Variants in SLC12A6 observed in about 807,000 individuals in gnomAD.
SLC12A6 encodes solute carrier family 12 member 6.
In SLC12A6, 66 loss-of-function variants were observed where a neutral mutation model predicts 135.3. That is an observed-to-expected ratio of 0.49 (90% confidence interval 0.40 to 0.60). SLC12A6 has a LOEUF of 0.60. Ranked by LOEUF, SLC12A6 falls within the 20% of genes least tolerant of loss-of-function variation. SLC12A6 has a pLI of 0.00. For synonymous variants in SLC12A6, 513 were observed against 508.8 expected (o/e 1.01, Z -0.11); for missense variants, 1,058 against 1,452.3 (o/e 0.73, Z 4.41).
At chr15:34,316,818 T>TA (rs1888683922) in intron 2 of SLC12A6, among the ~76,000 whole-genome samples, 1 of 151,948 alleles carries the variant, frequency 6.6e-6, no homozygotes, top group South Asian at 2.1e-4. Flanking sequence ...GATGAAATAA[T>TA]AAAAAACAGT....
chr15:34,311,955 T>G (rs111930440), intron 2 of SLC12A6, among the ~76,000 whole-genome samples: 1 of 152,252 alleles, frequency 6.6e-6, no homozygotes, highest in African/African-American at 2.4e-5. Context: ...TTCTATCATC[T>G]GTTATCCAAA....
chr15:34,255,417 T>A (rs373662082), intron 7 of SLC12A6, 25 bp from the exon 8 acceptor site: 12 of 1,566,000 alleles, frequency 7.7e-6, no homozygotes, highest in African/African-American at 6.8e-5. Flanking sequence ...AGAAGGTGAA[T>A]AGAAGAAAGA....
At chr15:34,241,006 A>G in intron 18 of SLC12A6, 177 bp from the exon 19 acceptor site, 1 of 666,760 alleles carries the variant, frequency 1.5e-6, no homozygotes, top group Non-Finnish European at 2.7e-6. Context: ...TCCCAGTACT[A>G]TCTCAAGTTG....
intron 2 of SLC12A6, among the ~76,000 whole-genome samples, chr15:34,312,721 TTTTG>T (rs1000815559): frequency 2.6e-4 from 39 of 152,194 alleles, no homozygotes; most frequent in African/African-American, 9.4e-4. Context: ...CTTTGGGGTT[TTTTG>T]TTTGTTTACA....
At chr15:34,306,683 T>G (rs141620508) in intron 2 of SLC12A6, among the ~76,000 whole-genome samples, 145 of 152,324 alleles carry the variant, frequency 9.5e-4, no homozygotes, top group African/African-American at 3.3e-3. Flanking sequence ...CAGTCCTGTT[T>G]ACAGACTAAT....
chr15:34,261,092 T>G (rs1223317857), intron 3 of SLC12A6, 72 bp from the exon 4 acceptor site: 1 of 819,512 alleles, frequency 1.2e-6, no homozygotes, highest in Non-Finnish European at 2.2e-6. Context: ...ACCAGATAAG[T>G]GCAGGTTGCT....
At chr15:34,305,060 T>C (rs6495652) in intron 2 of SLC12A6, among the ~76,000 whole-genome samples, 5,970 of 152,240 alleles carry the variant, frequency 0.039, 216 homozygotes, top group African/African-American at 0.098. Context: ...AATCTGTAAA[T>C]ACTCTTCTAC....
chr15:34,274,626 G>A (rs991853091), intron 3 of SLC12A6, among the ~76,000 whole-genome samples: 4 of 151,888 alleles, frequency 2.6e-5, no homozygotes, highest in South Asian at 2.1e-4. Context: ...CATCCTGGCC[G>A]ACATGGTGAA....
At chr15:34,269,320 G>T (rs995904142) in intron 3 of SLC12A6, among the ~76,000 whole-genome samples, 7 of 150,884 alleles carry the variant, frequency 4.6e-5, no homozygotes, top group South Asian at 2.1e-4. Flanking sequence ...TTTGTAAACA[G>T]AAAAAAGGTA....
intron 2 of SLC12A6, among the ~76,000 whole-genome samples, chr15:34,325,140 C>A (rs74010068): frequency 1.3e-5 from 2 of 152,126 alleles, no homozygotes; most frequent in Admixed American, 1.3e-4. Flanking sequence ...AAACATCTTA[C>A]AGGAGAATGA....
At chr15:34,267,951 T>C (rs1056646054) in intron 3 of SLC12A6, among the ~76,000 whole-genome samples, 1 of 152,180 alleles carries the variant, frequency 6.6e-6, no homozygotes, top group African/African-American at 2.4e-5. Flanking sequence ...AATTTCCATT[T>C]ATTTTCCTTC....
In SLC12A6 at chr15:34,284,211, T is replaced by C. The variant is rs1894876562; in HGVS notation, c.272-8822A>G. On this transcript the variant is annotated intron_variant, in intron 2 of 25. Transcript: ENST00000354181. ...GGAGGGAGGCAGGTTGATGATATCT[T>C]ACGGAAAGAGAGCTCACGGGCTAGT... Among the ~76,000 whole-genome samples, 2 of 151,718 alleles carry C rather than the reference T, an allele frequency of 1.3e-5. 1 individual carries two copies. Among genetic ancestry groups the C allele is most frequent in the Non-Finnish European group, 2.9e-5 (2 of 67,942 alleles).
chr15:34,260,419 C>T (rs1418641403), intron 4 of SLC12A6, among the ~76,000 whole-genome samples: 3 of 152,068 alleles, frequency 2.0e-5, no homozygotes, highest in African/African-American at 7.2e-5. Context: ...CCACCATGCC[C>T]GGCTAATTTT....
intron 2 of SLC12A6, among the ~76,000 whole-genome samples, chr15:34,316,194 C>T (rs1486859099): frequency 6.6e-6 from 1 of 151,722 alleles, no homozygotes; most frequent in Admixed American, 6.6e-5. Flanking sequence ...ATATTTTTCT[C>T]TCCATATAAA....
intron 2 of SLC12A6, among the ~76,000 whole-genome samples, chr15:34,322,195 C>G (rs560598850): frequency 2.2e-4 from 33 of 152,076 alleles, no homozygotes; most frequent in African/African-American, 7.7e-4. Flanking sequence ...CCAGCCTGAC[C>G]AACAGGGAGA....
At chr15:34,281,213 A>G (rs1165538727) in intron 2 of SLC12A6, among the ~76,000 whole-genome samples, 2 of 152,232 alleles carry the variant, frequency 1.3e-5, no homozygotes, top group Non-Finnish European at 2.9e-5. Flanking sequence ...TTTCTAATAC[A>G]AAGTAATGAT....
Position 34,229,836 on chromosome 15 carries a change from A to C in SLC12A6, c.*4045T>G. The C allele has an allele frequency of 6.3e-7, 1 of 1,598,264 alleles. No individual in the cohort carries two copies. The highest frequency in any genetic ancestry group is 8.6e-7 in the Non-Finnish European group (1 of 1,165,628). On this transcript the variant is annotated 3_prime_UTR_variant, in exon 26 of 26. Transcript: ENST00000354181. Reference sequence around the variant, plus strand: ...CCCTATGTATTTGGGTCTTATTTACATCCTTCTTTAAGCCCAGTGGCTCCT... The same window carrying C: ...CCCTATGTATTTGGGTCTTATTTACCTCCTTCTTTAAGCCCAGTGGCTCCT...
chr15:34,323,902 C>T (rs894528881), intron 2 of SLC12A6, among the ~76,000 whole-genome samples: 3 of 145,026 alleles, frequency 2.1e-5, no homozygotes, highest in Non-Finnish European at 4.5e-5. Flanking sequence ...AATTGTGCCA[C>T]TGCACGCCAG....
chr15:34,300,618 C>T (rs1896178861), intron 2 of SLC12A6, among the ~76,000 whole-genome samples: 1 of 151,802 alleles, frequency 6.6e-6, no homozygotes, highest in South Asian at 2.1e-4. Context: ...AAGACTCTGT[C>T]TCCACACACA....
Sources: gnomAD v4.1 joint callset for allele counts (sites outside exome capture counted in the v4.1 genomes callset) on GRCh38, gnomAD v4.1.1 for gene constraint, MANE v1.5 for transcripts, NCBI Gene and HGNC (gene_info 2026-07-23, HGNC 2026-07-21) for gene names.